XRCC3: variants seen among roughly 807,000 people sequenced by gnomAD.
XRCC3 encodes DNA repair protein XRCC3.
Under a neutral mutation model 29.2 loss-of-function variants are expected in XRCC3, and 34 were observed. The ratio of observed to expected loss-of-function variants is 1.16; its 90% CI spans 0.88 to 1.55. The LOEUF (loss-of-function observed/expected upper bound fraction) is 1.55, where lower values mean the gene tolerates loss of function less well. Ranked by LOEUF, XRCC3 falls within the 40% of genes most tolerant of loss-of-function variation. The pLI, the probability that XRCC3 is intolerant of heterozygous loss-of-function variation, is 0.00. For missense variants in XRCC3, 463 were observed against 467.6 expected (o/e 0.99, Z 0.09); for synonymous variants, 223 against 211.3 (o/e 1.06, Z -0.48).
rs188203640 is a variant in XRCC3, at chr14:103,710,893, C to T, written c.55+140G>A. On this transcript the variant is annotated intron_variant, in intron 4 of 9. Transcript: ENST00000555055. ...ACACACACACACACACCTGAAAATC[C>T]CATAGTACATCCCGCCCTCGGTTTA... 1.8e-5 allele frequency: 13 copies of T among 737,910 alleles called. No individual in the cohort carries two copies. The African/African-American group carries it at 1.8e-4, about 10-fold the overall frequency. The allele number at this position is 737,910 out of a possible 1,614,324, so 45.7% of individuals were successfully genotyped here.
intron 7 of XRCC3, among the ~76,000 whole-genome samples, chr14:103,700,889 T>G (rs961381817): frequency 6.6e-6 from 1 of 152,112 alleles, no homozygotes; most frequent in African/African-American, 2.4e-5. Flanking sequence ...CCCATCCTCA[T>G]GCAAGCCCAA....
Position 103,711,584 on chromosome 14 carries a change from G to C in XRCC3, c.-260-17C>G, listed in dbSNP as rs2083631331. 6.6e-6 allele frequency: 3 copies of C among 456,632 alleles called. No homozygotes were observed. Among genetic ancestry groups the C allele is most frequent in the South Asian group, 4.6e-5 (3 of 64,566 alleles). The allele number at this position is 456,632 out of a possible 1,614,324, so 28.3% of individuals were successfully genotyped here. A position where few individuals can be genotyped will look rare whatever the true frequency, so the allele number is the denominator to read the frequency against. On this transcript the variant is annotated splice_polypyrimidine_tract_variant and intron_variant, in intron 2 of 9. Transcript: ENST00000555055. Reference sequence around the variant, plus strand: ...CTGGGGACTCTGGAAAGAGTGGGAAGGTGAGTCTGGGATTGGCAGGGTGCT... The same window carrying C: ...CTGGGGACTCTGGAAAGAGTGGGAACGTGAGTCTGGGATTGGCAGGGTGCT...
chr14:103,706,984 G>A lies in XRCC3; in HGVS notation c.406+19C>T, dbSNP rs762480300. On this transcript the variant is annotated intron_variant, in intron 6 of 9. Coordinates refer to ENST00000555055, the MANE Select transcript of XRCC3 (RefSeq NM_005432.4). Reference sequence around the variant, plus strand: ...GGCCGCCCACCTGCCCAGACCCCACGGAAGGGGTGGCCACTCACCAGCCTC... The same window carrying A: ...GGCCGCCCACCTGCCCAGACCCCACAGAAGGGGTGGCCACTCACCAGCCTC... 68 of 1,542,868 alleles carry A rather than the reference G, an allele frequency of 4.4e-5. No homozygotes were observed. The highest frequency in any genetic ancestry group is 5.8e-5 in the Admixed American group (3 of 51,816).
At chr14:103,703,573 A>G in intron 6 of XRCC3, 1 of 542,200 alleles carries the variant, frequency 1.8e-6, no homozygotes, top group Non-Finnish European at 3.3e-6. Context: ...CCAGGCAAGG[A>G]CTTCCCCTGT....
At chr14:103,711,429 A>G in intron 3 of XRCC3, 37 bp downstream of exon 3, 1 of 526,466 alleles carries the variant, frequency 1.9e-6, no homozygotes, top group Non-Finnish European at 3.7e-6. Flanking sequence ...AAATAAGACC[A>G]TCCTCCTGCA....
intron 6 of XRCC3, 161 bp from the exon 7 acceptor site, chr14:103,703,488 C>T (rs1426919295): frequency 4.6e-6 from 4 of 861,520 alleles, no homozygotes; most frequent in South Asian, 1.5e-5. Flanking sequence ...TTTTTCTCAC[C>T]CTCCCACTGG....
intron 7 of XRCC3, 46 bp downstream of exon 7, chr14:103,703,127 T>C (rs1465402358): frequency 3.9e-6 from 6 of 1,548,234 alleles, no homozygotes; most frequent in Non-Finnish European, 5.2e-6. Context: ...CCAATGGTCC[T>C]GAATAGCTTG....
In XRCC3 at chr14:103,708,524, G is replaced by A. The variant is rs748448131; in HGVS notation, c.191C>T (p.Thr64Ile). ...SLHLRGSSIL[T>I]ALQLHQQKER... ...CAGAGATGCCAGGGCCCACCTACCT[G>A]TAAGGATGCTGCTTCCCCGCAAGTG... Residue 64 changes from threonine (T) to isoleucine (I), a missense_variant and splice_region_variant, in exon 5 of 10, where the codon ACA (threonine) becomes ATA (isoleucine). By Grantham distance (89) the Thr-to-Ile change is moderately conservative. Transcript: ENST00000555055. 1.9e-6 allele frequency: 3 copies of A among 1,613,878 alleles called. No homozygotes were observed. Among genetic ancestry groups the A allele is most frequent in the South Asian group, 2.2e-5 (2 of 91,080 alleles).
chr14:103,706,164 C>G (rs922412805), intron 6 of XRCC3: 3 of 363,496 alleles, frequency 8.3e-6, no homozygotes, highest in Admixed American at 7.2e-5. Flanking sequence ...CACTGAAGCT[C>G]AGGCAGGCAC....
In XRCC3 at chr14:103,711,026, A is replaced by C. The variant is rs1371557277; in HGVS notation, c.55+7T>G. On this transcript the variant is annotated splice_region_variant and intron_variant, in intron 4 of 9. Coordinates refer to ENST00000555055, the MANE Select transcript of XRCC3 (RefSeq NM_005432.4). The stretch of plus-strand genomic sequence containing the variant: ...CACACCCTTTATGTAAATAGAAATA[A>C]ATGTACCTTTCTTAATTGCAGCAAT... 8 of 1,614,004 alleles carry C rather than the reference A, an allele frequency of 5.0e-6. No individual in the cohort carries two copies. The highest frequency in any genetic ancestry group is 6.8e-6 in the Non-Finnish European group (8 of 1,179,934).
intron 7 of XRCC3, chr14:103,700,560 C>T: frequency 9.9e-7 from 1 of 1,011,634 alleles, no homozygotes; most frequent in South Asian, 1.4e-5. Flanking sequence ...AGTCCAAGGT[C>T]TGCAGCCACA....
Position 103,699,167 on chromosome 14 carries a change from T to C in XRCC3, c.787A>G (p.Met263Val), listed in dbSNP as rs145063633. 2.4e-5 allele frequency: 37 copies of C among 1,567,432 alleles called. No homozygotes were observed. The highest frequency in any genetic ancestry group is 3.2e-5 in the Non-Finnish European group (37 of 1,159,578). Residue 263 changes from methionine (M) to valine (V), a missense_variant, in exon 9 of 10, where the codon ATG becomes GTG. Physicochemically the swap from Met to Val is conservative, Grantham distance 21. Coordinates refer to ENST00000555055, the MANE Select transcript of XRCC3 (RefSeq NM_005432.4). ...CCGTGTGCTGCGCCCTGCTCCTCCA[T>C]GGCCTCTGTCACCTGGAAGAGCACA... ...VLCINQVTEA[M>V]EEQGAAHGPL...
rs1177788703 is a variant in XRCC3, at chr14:103,708,660, C to T, written c.56-1G>A. On this transcript the variant is annotated splice_acceptor_variant, in intron 4 of 9. Transcript: ENST00000555055. LOFTEE classifies it high-confidence loss of function. ...ACCTCCTTTACCGATTTCAGTTTGGCTGAAATAACACAGATAAATTACAGG... is the reference window on the plus strand; with the variant it reads ...ACCTCCTTTACCGATTTCAGTTTGGTTGAAATAACACAGATAAATTACAGG... 6.2e-7 allele frequency: 1 copy of T among 1,614,142 alleles called. No individual in the cohort carries two copies.
intron 6 of XRCC3, chr14:103,706,244 T>C: frequency 2.0e-5 from 9 of 447,446 alleles, no homozygotes; most frequent in South Asian, 1.3e-4. Flanking sequence ...GCCACACCGC[T>C]GCTGGCAGGT....
chr14:103,713,044 C>CCG (rs1197805904), intron 1 of XRCC3, 113 bp from the exon 2 acceptor site: 2 of 152,310 alleles, frequency 1.3e-5, no homozygotes, highest in African/African-American at 2.4e-5. Flanking sequence ...CACTGTCCCC[C>CCG]GGGCGGCCTG....
At chr14:103,703,365 C>T (rs1463159167) in intron 6 of XRCC3, 38 bp from the exon 7 acceptor site, 3 of 1,535,524 alleles carry the variant, frequency 2.0e-6, no homozygotes, top group Admixed American at 2.0e-5. Flanking sequence ...CAGGGGACTC[C>T]AGACGGGCCT....
intron 7 of XRCC3, 69 bp downstream of exon 7, chr14:103,703,104 G>GGCTA (rs1165436661): frequency 6.5e-7 from 1 of 1,539,024 alleles, no homozygotes; most frequent in Non-Finnish European, 8.7e-7. Flanking sequence ...TTGCCGTGGT[G>GGCTA]GCTACACCTG....
intron 5 of XRCC3, chr14:103,708,308 C>G (rs948798902): frequency 5.9e-6 from 4 of 680,402 alleles, no homozygotes; most frequent in Non-Finnish European, 9.9e-6. Flanking sequence ...GGTCCCACAG[C>G]CCGTGTCCAC....
rs2083784843 is a variant in XRCC3, at chr14:103,715,445, T to A, written c.-339A>T. Reference sequence around the variant, plus strand: ...TCACCTCCCGCGGGTTCCGCACTCCTCTTCCCGCCGTCCTGCTCCTCTCGG... The same window carrying A: ...TCACCTCCCGCGGGTTCCGCACTCCACTTCCCGCCGTCCTGCTCCTCTCGG... On this transcript the variant is annotated 5_prime_UTR_variant, in exon 1 of 10. Transcript: ENST00000555055. 1 of 153,782 alleles carries A rather than the reference T, an allele frequency of 6.5e-6. No homozygotes were observed. Among genetic ancestry groups the A allele is most frequent in the African/African-American group, 2.4e-5 (1 of 41,474 alleles). 9.5% of individuals were successfully genotyped at this position (153,782 alleles called of 1,614,324 possible).
Sources: gnomAD v4.1 joint callset for allele counts (sites outside exome capture counted in the v4.1 genomes callset) on GRCh38, gnomAD v4.1.1 for gene constraint, MANE v1.5 for transcripts, NCBI Gene and HGNC (gene_info 2026-07-23, HGNC 2026-07-21) for gene names.